Variants in NELL2 observed in about 807,000 individuals in gnomAD.
The protein encoded by NELL2 is protein kinase C-binding protein NELL2.
Under a neutral mutation model 109.6 loss-of-function variants are expected in NELL2, and 41 were observed. That is an observed-to-expected ratio of 0.37 (90% confidence interval 0.29 to 0.49). NELL2 has a LOEUF of 0.49. Ranked by LOEUF, NELL2 falls within the 20% of genes least tolerant of loss-of-function variation. NELL2 has a pLI of 0.98. For missense variants in NELL2, 900 were observed against 1,008.3 expected, an observed-to-expected ratio of 0.89 and a Z score of 1.45; for synonymous variants, 355 against 344.7, an observed-to-expected ratio of 1.03 and a Z score of -0.33.
rs539092151 is a variant in NELL2, at chr12:44,586,682, C to T, written c.1663+20487G>A. On this transcript the variant is annotated intron_variant, in intron 15 of 19. Transcript: ENST00000429094. ...AGAGATACTTTTTCTCACAGAGTTG[C>T]TATGCCAAGTACAATAATAGATGTA... Among the ~76,000 whole-genome samples the T allele has an allele frequency of 1.1e-3, 167 of 152,284 alleles. 1 individual carries two copies. The highest frequency in any genetic ancestry group is 3.8e-3 in the African/African-American group (157 of 41,554).
chr12:44,583,749 T>A (rs1021620021), intron 15 of NELL2, among the ~76,000 whole-genome samples: 1 of 152,200 alleles, frequency 6.6e-6, no homozygotes, highest in Non-Finnish European at 1.5e-5. Context: ...TCCCCCATCA[T>A]GGCTCAAATA....
At chr12:44,562,120 A>G (rs1943488974) in intron 15 of NELL2, among the ~76,000 whole-genome samples, 1 of 152,244 alleles carries the variant, frequency 6.6e-6, no homozygotes, top group Non-Finnish European at 1.5e-5. Context: ...CATATGCAGA[A>G]AACTGAAACT....
At chr12:44,566,619 C>G (rs903056875) in intron 15 of NELL2, among the ~76,000 whole-genome samples, 1 of 151,626 alleles carries the variant, frequency 6.6e-6, no homozygotes, top group Non-Finnish European at 1.5e-5. Context: ...ATATTTACAG[C>G]TGGGGGCTGA....
At chr12:44,711,245 C>T (rs766087205) in intron 11 of NELL2, 47 bp downstream of exon 11, 2 of 1,354,574 alleles carry the variant, frequency 1.5e-6, no homozygotes, top group Admixed American at 3.4e-5. Context: ...TACTAGCCTA[C>T]TATAATAACT....
intron 3 of NELL2, among the ~76,000 whole-genome samples, chr12:44,791,555 A>AT (rs1942433932): frequency 6.6e-6 from 1 of 151,670 alleles, no homozygotes; most frequent in African/African-American, 2.4e-5. Flanking sequence ...GTAGTGGTAG[A>AT]TTGGTGGGAA....
chr12:44,701,463 C>A (rs1489429476), intron 12 of NELL2, among the ~76,000 whole-genome samples: 1 of 152,052 alleles, frequency 6.6e-6, no homozygotes, highest in Admixed American at 6.6e-5. Context: ...CAGATAAAAA[C>A]TGAGTGACTT....
At chr12:44,871,106 C>A (rs1275063699) in intron 2 of NELL2, among the ~76,000 whole-genome samples, 1 of 152,110 alleles carries the variant, frequency 6.6e-6, no homozygotes, top group Non-Finnish European at 1.5e-5. Context: ...ACCTTGCTCA[C>A]ACACTAGTCC....
chr12:44,530,102 T>C (rs1565879639), intron 16 of NELL2, among the ~76,000 whole-genome samples: 2 of 152,052 alleles, frequency 1.3e-5, no homozygotes, highest in Non-Finnish European at 2.9e-5. Context: ...CAATGATGAG[T>C]TTGATTTTTG....
chr12:44,814,752 G>C lies in NELL2; in HGVS notation c.335+1234C>G, dbSNP rs1943284856. On this transcript the variant is annotated intron_variant, in intron 3 of 19. Transcript: ENST00000429094. ...GAGCAAGCGAGATAGTATGTCCCTA[G>C]GAACCTTCCTCACTAAGTCAGCCTT... Among the ~76,000 whole-genome samples the C allele has an allele frequency of 1.3e-5, 2 of 152,142 alleles. 1 individual carries two copies.
intron 9 of NELL2, among the ~76,000 whole-genome samples, chr12:44,769,890 T>C (rs1425137739): frequency 2.0e-5 from 3 of 152,092 alleles, no homozygotes; most frequent in African/African-American, 7.2e-5. Flanking sequence ...TGATTCTGAG[T>C]ACAAGAAGCC....
chr12:44,665,083 T>C (rs972270500), intron 13 of NELL2, among the ~76,000 whole-genome samples: 1 of 149,324 alleles, frequency 6.7e-6, no homozygotes, highest in African/African-American at 2.5e-5. Context: ...AATAGTCCCA[T>C]GTCCTAGAAC....
chr12:44,569,957 T>C (rs1027750529), intron 15 of NELL2, among the ~76,000 whole-genome samples: 3 of 150,208 alleles, frequency 2.0e-5, no homozygotes, highest in Non-Finnish European at 1.5e-5. Context: ...GCAGATAAGT[T>C]CTTCTCTATA....
chr12:44,588,910 T>C (rs1944643092), intron 15 of NELL2, among the ~76,000 whole-genome samples: 1 of 152,244 alleles, frequency 6.6e-6, no homozygotes, highest in Admixed American at 6.5e-5. Flanking sequence ...TTTCTGTCTA[T>C]AATTTCATTC....
intron 9 of NELL2, among the ~76,000 whole-genome samples, chr12:44,715,893 AC>A (rs1389584241): frequency 6.6e-6 from 1 of 152,174 alleles, no homozygotes; most frequent in Non-Finnish European, 1.5e-5. Context: ...TATCCCTATT[AC>A]CTTTAAAACT....
chr12:44,678,149 T>C (rs950552402), intron 12 of NELL2, among the ~76,000 whole-genome samples: 2 of 151,288 alleles, frequency 1.3e-5, no homozygotes, highest in Admixed American at 6.6e-5. Context: ...TGGAGAAAAA[T>C]TGCTCAGAGA....
intron 2 of NELL2, among the ~76,000 whole-genome samples, chr12:44,841,054 A>G (rs1293694447): frequency 6.6e-6 from 1 of 152,206 alleles, no homozygotes; most frequent in Admixed American, 6.5e-5. Context: ...AAACTATAAT[A>G]ATTTTATAAA....
chr12:44,849,360 A>G (rs970393260), intron 2 of NELL2, among the ~76,000 whole-genome samples: 3 of 152,190 alleles, frequency 2.0e-5, no homozygotes, highest in Admixed American at 6.5e-5. Flanking sequence ...TGCAAATCTC[A>G]TTTTTAGAAC....
chr12:44,754,306 C>T (rs767947851), intron 9 of NELL2, among the ~76,000 whole-genome samples: 9 of 152,038 alleles, frequency 5.9e-5, no homozygotes, highest in South Asian at 4.1e-4. Context: ...AGTCTCTGGA[C>T]CAGTTACTGC....
intron 9 of NELL2, among the ~76,000 whole-genome samples, chr12:44,756,258 G>A (rs1356777974): frequency 6.6e-6 from 1 of 151,836 alleles, no homozygotes; most frequent in East Asian, 1.9e-4. Context: ...TGCCCTATTT[G>A]CACCATCAGT....
Sources: gnomAD v4.1 joint callset for allele counts (sites outside exome capture counted in the v4.1 genomes callset) on GRCh38, gnomAD v4.1.1 for gene constraint, MANE v1.5 for transcripts, NCBI Gene and HGNC (gene_info 2026-07-23, HGNC 2026-07-21) for gene names.